The following CIRSR variants were observed in gnomAD, a reference collection of about 807,000 sequenced individuals.
The protein encoded by CIRSR is CBF1 (RBPJ) interacting corepressor 1.
chr2:174,353,721 C>T, the CIRSR span, among the ~76,000 whole-genome samples: 12 of 152,288 alleles, frequency 7.9e-5, no homozygotes, highest in Middle Eastern at 3.4e-3. Context: ...CAGCCTCAGC[C>T]TCCTAAAGTG....
the CIRSR span, chr2:174,348,539 C>T: frequency 2.2e-5 from 36 of 1,613,790 alleles, no homozygotes; most frequent in Non-Finnish European, 2.8e-5. Flanking sequence ...CTCCTGGGTG[C>T]TCTCTGTACA....
the CIRSR span, chr2:174,378,935 T>C: frequency 5.0e-6 from 8 of 1,611,030 alleles, no homozygotes; most frequent in South Asian, 4.4e-5. Context: ...GAGCCATCAG[T>C]GGGAACCGAA....
chr2:174,354,311 G>A, the CIRSR span, among the ~76,000 whole-genome samples: 1 of 141,264 alleles, frequency 7.1e-6, no homozygotes, highest in African/African-American at 2.6e-5. Flanking sequence ...ATTTTTACCA[G>A]TACCTATTCA....
chr2:174,355,703 TAA>T, the CIRSR span, among the ~76,000 whole-genome samples: 1 of 152,202 alleles, frequency 6.6e-6, no homozygotes, highest in Admixed American at 6.5e-5. Flanking sequence ...ATCTACTCAC[TAA>T]GAGTATTCAT....
chr2:174,362,721 CATTTA>C, the CIRSR span, among the ~76,000 whole-genome samples: 1 of 30,862 alleles, frequency 3.2e-5, no homozygotes, highest in Non-Finnish European at 1.4e-4. Flanking sequence ...AAAAATCTTA[CATTTA>C]TCAGAGAATT....
At chr2:174,374,819 A>AT in the CIRSR span, among the ~76,000 whole-genome samples, 1 of 152,212 alleles carries the variant, frequency 6.6e-6, no homozygotes, top group Non-Finnish European at 1.5e-5. Flanking sequence ...CATGTCTTGC[A>AT]TGCCAGCATC....
At chr2:174,389,045 C>A in the CIRSR span, among the ~76,000 whole-genome samples, 1 of 152,228 alleles carries the variant, frequency 6.6e-6, no homozygotes, top group African/African-American at 2.4e-5. Flanking sequence ...TTATAAATTA[C>A]TCAGTCTTGG....
chr2:174,379,716 C>CTTTTTTTTTTTT, the CIRSR span, among the ~76,000 whole-genome samples: 2 of 83,760 alleles, frequency 2.4e-5, no homozygotes, highest in African/African-American at 4.5e-5. Context: ...TGATTCCTGT[C>CTTTTTTTTTTTT]TTTTTTTTTT....
At chr2:174,387,927 A>G in the CIRSR span, 1 of 566,192 alleles carries the variant, frequency 1.8e-6, no homozygotes, top group African/African-American at 2.0e-5. Context: ...AAAACACACT[A>G]ATACACAGTG....
At chr2:174,370,252 T>G in the CIRSR span, among the ~76,000 whole-genome samples, 1 of 152,212 alleles carries the variant, frequency 6.6e-6, no homozygotes, top group Non-Finnish European at 1.5e-5. Flanking sequence ...GGTCTTGCTG[T>G]GTTGCCAAAG....
At chr2:174,385,229 A>C in the CIRSR span, among the ~76,000 whole-genome samples, 1 of 151,722 alleles carries the variant, frequency 6.6e-6, no homozygotes, top group African/African-American at 2.4e-5. Flanking sequence ...AAAAAAAAAA[A>C]AAAAAAAATT....
chr2:174,384,958 C>G, the CIRSR span, among the ~76,000 whole-genome samples: 1 of 151,796 alleles, frequency 6.6e-6, no homozygotes, highest in African/African-American at 2.4e-5. Context: ...GCCTGTAATC[C>G]CAGCACTTTG....
the CIRSR span, among the ~76,000 whole-genome samples, chr2:174,354,268 A>G: frequency 1.3e-5 from 2 of 149,400 alleles, no homozygotes; most frequent in East Asian, 3.9e-4. Context: ...GAAGTGCTCG[A>G]CAAATAGTAC....
chr2:174,375,682 A>T, the CIRSR span, among the ~76,000 whole-genome samples: 1 of 152,186 alleles, frequency 6.6e-6, no homozygotes, highest in Non-Finnish European at 1.5e-5. Context: ...ACTTTTTAAA[A>T]ATCTTTACCA....
the CIRSR span, among the ~76,000 whole-genome samples, chr2:174,372,697 C>T: frequency 6.6e-6 from 1 of 152,116 alleles, no homozygotes; most frequent in African/African-American, 2.4e-5. Flanking sequence ...ATTCTCGTGC[C>T]TCAGCCTCCT....
At chr2:174,363,923 C>T in the CIRSR span, among the ~76,000 whole-genome samples, 1 of 152,150 alleles carries the variant, frequency 6.6e-6, no homozygotes, top group African/African-American at 2.4e-5. Context: ...TCCCCAATCT[C>T]ACATCCTCAC....
chr2:174,365,828 C>G, the CIRSR span, among the ~76,000 whole-genome samples: 1 of 152,128 alleles, frequency 6.6e-6, no homozygotes, highest in Non-Finnish European at 1.5e-5. Flanking sequence ...ACAGCCAAAC[C>G]ATATCATATG....
chr2:174,394,344 A>G, the CIRSR span, among the ~76,000 whole-genome samples: 1 of 152,194 alleles, frequency 6.6e-6, no homozygotes, highest in Non-Finnish European at 1.5e-5. Context: ...CAGAGAAAGG[A>G]AATGTCTGTG....
At chr2:174,348,714 C>T in the CIRSR span, 1 of 1,614,238 alleles carries the variant, frequency 6.2e-7, no homozygotes, top group East Asian at 2.2e-5. Flanking sequence ...GCCGTGGCTT[C>T]TGCTGCTCCC....
Sources: gnomAD v4.1 joint callset for allele counts (sites outside exome capture counted in the v4.1 genomes callset) on GRCh38, gnomAD v4.1.1 for gene constraint, MANE v1.5 for transcripts, NCBI Gene and HGNC (gene_info 2026-07-23, HGNC 2026-07-21) for gene names.